JAZF1: variants seen among roughly 807,000 people sequenced by gnomAD.
JAZF1 encodes juxtaposed with another zinc finger protein 1.
A neutral mutation model predicts 26.4 loss-of-function variants in JAZF1; 8 were observed. The ratio of observed to expected loss-of-function variants is 0.30; its 90% CI spans 0.18 to 0.55. JAZF1 has a LOEUF of 0.55. Among genes scored for constraint, JAZF1 ranks in the 20% least tolerant of loss-of-function variants. The pLI is 0.94. For synonymous variants in JAZF1, 126 were observed against 122.3 expected (o/e 1.03, Z -0.20); for missense variants, 199 against 322.0 (o/e 0.62, Z 2.92).
chr7:27,978,771 C>G (rs1190247356), intron 2 of JAZF1, among the ~76,000 whole-genome samples: 1 of 152,104 alleles, frequency 6.6e-6, no homozygotes, highest in Non-Finnish European at 1.5e-5. Flanking sequence ...TCTGATAAAT[C>G]TTATGGTAAA....
intron 1 of JAZF1, among the ~76,000 whole-genome samples, chr7:28,132,112 T>A (rs547570320): frequency 6.6e-6 from 1 of 152,312 alleles, no homozygotes; most frequent in Admixed American, 6.5e-5. Context: ...CTACTATAAC[T>A]GATGACATGG....
At chr7:27,903,774 T>C (rs915710308) in intron 2 of JAZF1, among the ~76,000 whole-genome samples, 1 of 152,226 alleles carries the variant, frequency 6.6e-6, no homozygotes, top group African/African-American at 2.4e-5. Context: ...CTAAGGGCTG[T>C]TCTCTGCTTG....
At chr7:28,175,566 C>T (rs879678059) in intron 1 of JAZF1, among the ~76,000 whole-genome samples, 1 of 152,204 alleles carries the variant, frequency 6.6e-6, no homozygotes, top group Admixed American at 6.5e-5. Context: ...TAATTTGCCC[C>T]TGGTCATAAG....
chr7:27,951,166 A>C (rs751005644), intron 2 of JAZF1, among the ~76,000 whole-genome samples: 29 of 152,246 alleles, frequency 1.9e-4, no homozygotes, highest in Middle Eastern at 3.4e-3. Flanking sequence ...ACTCAATAAA[A>C]GGTTGTTATA....
rs1783183832 is a variant in JAZF1 at position 28,156,251 on chromosome 7, A to G, written c.115+24212T>C. 2.0e-5 allele frequency among the ~76,000 whole-genome samples: 3 copies of G among 152,332 alleles called. No individual in the cohort carries two copies. The South Asian group carries it at 6.2e-4, about 32-fold the overall frequency. ...CTCAGAATCTGAAAGTCACTGGGTC[A>G]AGGCTGTAGAGGCCCCTTTTCACAC... On this transcript the variant is annotated intron_variant, in intron 1 of 4. Coordinates refer to ENST00000283928, the MANE Select transcript of JAZF1 (RefSeq NM_175061.4).
At chr7:28,135,647 C>A (rs1583579166) in intron 1 of JAZF1, among the ~76,000 whole-genome samples, 1 of 152,086 alleles carries the variant, frequency 6.6e-6, no homozygotes, top group East Asian at 1.9e-4. Context: ...TTTTCAAGGG[C>A]AAAAGAAAGC....
At chr7:28,168,395 A>G (rs1226103160) in intron 1 of JAZF1, among the ~76,000 whole-genome samples, 1 of 151,750 alleles carries the variant, frequency 6.6e-6, no homozygotes, top group Non-Finnish European at 1.5e-5. Context: ...AAAAAAAAAA[A>G]AAAAAAAAGA....
At chr7:28,142,176 C>T (rs995730218) in intron 1 of JAZF1, among the ~76,000 whole-genome samples, 8 of 152,144 alleles carry the variant, frequency 5.3e-5, no homozygotes, top group South Asian at 4.1e-4. Flanking sequence ...AACAGAATTT[C>T]GTAAATGCTA....
At chr7:27,955,357 C>T (rs1785070989) in intron 2 of JAZF1, among the ~76,000 whole-genome samples, 1 of 152,170 alleles carries the variant, frequency 6.6e-6, no homozygotes, top group Non-Finnish European at 1.5e-5. Flanking sequence ...ATGCTCTTGG[C>T]TGATTTTGAC....
intron 3 of JAZF1, chr7:27,844,085 G>A (rs1248860808): frequency 4.6e-5 from 7 of 152,228 alleles, no homozygotes; most frequent in Non-Finnish European, 7.3e-5. Flanking sequence ...GCAGCCAGAG[G>A]GCCTGCGGTG....
At chr7:27,984,262 C>T (rs1165952138) in intron 2 of JAZF1, among the ~76,000 whole-genome samples, 1 of 152,076 alleles carries the variant, frequency 6.6e-6, no homozygotes, top group African/African-American at 2.4e-5. Flanking sequence ...GAAGATCTAC[C>T]AAGCAAATGG....
chr7:28,070,528 C>T (rs1783959663), intron 1 of JAZF1, among the ~76,000 whole-genome samples: 1 of 152,206 alleles, frequency 6.6e-6, no homozygotes, highest in Admixed American at 6.5e-5. Context: ...AATTTTCCAC[C>T]ATCCAGTCAC....
chr7:28,023,875 A>C (rs76334155), intron 1 of JAZF1, among the ~76,000 whole-genome samples: 9,774 of 152,298 alleles, frequency 0.064, 415 homozygotes, highest in South Asian at 0.13. Context: ...TCATTAAGAA[A>C]TGAGCACCTA....
intron 3 of JAZF1, among the ~76,000 whole-genome samples, chr7:27,849,744 T>TACACACACACACACACACACACACAC (rs1199710288): frequency 1.9e-5 from 1 of 53,528 alleles, no homozygotes; most frequent in African/African-American, 9.0e-5. Flanking sequence ...TTGGAACCCT[T>TACACACACACACACACACACACACAC]ACACACAGAC....
chr7:27,962,715 T>C (rs780917991), intron 2 of JAZF1, among the ~76,000 whole-genome samples: 1 of 152,212 alleles, frequency 6.6e-6, no homozygotes, highest in Non-Finnish European at 1.5e-5. Flanking sequence ...AGGGCTTCCC[T>C]ATCTGCTGCT....
chr7:28,125,973 G>T (rs1240004665), intron 1 of JAZF1, among the ~76,000 whole-genome samples: 1 of 152,070 alleles, frequency 6.6e-6, no homozygotes, highest in African/African-American at 2.4e-5. Flanking sequence ...AGACCTTTGG[G>T]TGACTCCACC....
intron 1 of JAZF1, among the ~76,000 whole-genome samples, chr7:28,017,208 A>G (rs60286500): frequency 0.047 from 7,082 of 152,164 alleles, 267 homozygotes; most frequent in African/African-American, 0.098. Context: ...AAAATTAGCC[A>G]GGCATGGTGG....
chr7:27,975,788 A>G (rs1385844901), intron 2 of JAZF1, among the ~76,000 whole-genome samples: 2 of 152,232 alleles, frequency 1.3e-5, no homozygotes, highest in African/African-American at 4.8e-5. Flanking sequence ...AATACTGATG[A>G]GTGGACATAA....
intron 1 of JAZF1, among the ~76,000 whole-genome samples, chr7:28,012,859 G>A (rs548262681): frequency 7.9e-5 from 12 of 152,314 alleles, no homozygotes; most frequent in Admixed American, 3.9e-4. Flanking sequence ...TTTAAACCAC[G>A]TTTTTTATCT....
Sources: gnomAD v4.1 joint callset for allele counts (sites outside exome capture counted in the v4.1 genomes callset) on GRCh38, gnomAD v4.1.1 for gene constraint, MANE v1.5 for transcripts, NCBI Gene and HGNC (gene_info 2026-07-23, HGNC 2026-07-21) for gene names.